RNF10: variants seen among roughly 807,000 people sequenced by gnomAD.
RNF10 encodes ring finger protein 10, also known as E3 ubiquitin-protein ligase RNF10.
In RNF10, 38 loss-of-function variants were observed where a neutral mutation model predicts 91.4. That is an observed-to-expected ratio of 0.42 (90% confidence interval 0.32 to 0.54). The LOEUF (loss-of-function observed/expected upper bound fraction) is 0.54. RNF10 is among the 20% of genes least tolerant of loss of function. The probability of loss-of-function intolerance (pLI) is 0.16; values close to 1 mark genes in which losing one functional copy is unlikely to be tolerated. For synonymous variants in RNF10, 364 were observed against 366.3 expected (o/e 0.99, Z 0.07); for missense variants, 945 against 1,012.0 (o/e 0.93, Z 0.90).
At position 120,557,657 on chromosome 12, in the gene RNF10, T is replaced by C; in HGVS notation, c.942T>C (p.Asn314=). The change falls in exon 6 of 17, where the codon AAT becomes AAC. Residue 314 remains asparagine, a synonymous_variant. Coordinates refer to ENST00000325954, the MANE Select transcript of RNF10 (RefSeq NM_014868.5). ...LVALPKSKWM[N]VDHPIHLGDE... ...CTTTGCCCAAATCCAAATGGATGAA[T>C]GTAGACCATCCCATTCATCTAGGAG... is the stretch of plus-strand genomic sequence containing the variant. 6.2e-7 allele frequency: 1 copy of C among 1,614,208 alleles called. No individual in the cohort carries two copies. The highest frequency in any genetic ancestry group is 1.3e-5 in the African/African-American group (1 of 75,056).
chr12:120,559,316 G>T (rs1273050282), intron 6 of RNF10, among the ~76,000 whole-genome samples: 1 of 150,736 alleles, frequency 6.6e-6, no homozygotes, highest in African/African-American at 2.4e-5. Flanking sequence ...TGAGTAGCTG[G>T]CATTTCAGGC....
At position 120,560,729 on chromosome 12, in the gene RNF10, A is replaced by C. The variant is rs759013546; in HGVS notation, c.971A>C (p.Glu324Ala). 8.1e-6 allele frequency: 13 copies of C among 1,612,316 alleles called. No homozygotes were observed. The highest frequency in any genetic ancestry group is 1.1e-5 in the Non-Finnish European group (13 of 1,178,716). ...GATCTTGCTGGCATTCTTATAGATG[A>C]ACAGCACAGCCAGTACTCCAAGTTG... ...NVDHPIHLGD[E>A]QHSQYSKLLL... is the part of the protein sequence containing the mutation. The change falls in exon 7 of 17, where the codon GAA becomes GCA. Residue 324 changes from glutamate to alanine, a missense_variant. By Grantham distance (107) the Glu-to-Ala change is moderately radical (BLOSUM62 -1). Coordinates refer to ENST00000325954, the MANE Select transcript of RNF10 (RefSeq NM_014868.5).
At chr12:120,568,373 G>T (rs1019018349) in intron 13 of RNF10, among the ~76,000 whole-genome samples, 2 of 152,106 alleles carry the variant, frequency 1.3e-5, no homozygotes, top group African/African-American at 4.8e-5. Flanking sequence ...TATATATAAA[G>T]AATGTTTAAA....
At chr12:120,548,916 C>T (rs1345169243) in intron 2 of RNF10, among the ~76,000 whole-genome samples, 4 of 152,106 alleles carry the variant, frequency 2.6e-5, no homozygotes, top group South Asian at 2.1e-4. Context: ...GTGATCCGCC[C>T]GCTTCGGCCT....
chr12:120,544,655 CTAAA>C lies in RNF10; in HGVS notation c.158-1741_158-1738del, dbSNP rs1221244912. ...TGGGTGACAGAGCAAAACCTTGTCTCTAAATAAATAAAGTGCATAAGTAATTATT... is the reference window on the plus strand; with the variant it reads ...TGGGTGACAGAGCAAAACCTTGTCTCTAAATAAAGTGCATAAGTAATTATT... On this transcript the variant is annotated intron_variant, in intron 1 of 16. Transcript: ENST00000325954. Among the ~76,000 whole-genome samples, 9 of 152,206 alleles carry C rather than the reference CTAAA, an allele frequency of 5.9e-5. No homozygotes were observed. The South Asian group carries it at 8.3e-4, about 14-fold the overall frequency.
At chr12:120,553,652 C>T (rs1030127493) in intron 3 of RNF10, among the ~76,000 whole-genome samples, 3 of 152,144 alleles carry the variant, frequency 2.0e-5, no homozygotes, top group South Asian at 2.1e-4. Flanking sequence ...ATCCACCCGC[C>T]TCGGCCTCCC....
intron 6 of RNF10, 51 bp downstream of exon 6, chr12:120,557,733 GT>G: frequency 6.3e-7 from 1 of 1,594,566 alleles, no homozygotes; most frequent in South Asian, 1.1e-5. Context: ...ATTCTTTAAG[GT>G]GATTGAATAT....
intron 6 of RNF10, among the ~76,000 whole-genome samples, chr12:120,559,684 G>A (rs1327763806): frequency 6.6e-6 from 1 of 150,816 alleles, no homozygotes; most frequent in East Asian, 2.0e-4. Context: ...TACTCCGCCT[G>A]GTGTTATTTT....
rs756896237 is a variant in RNF10, at chr12:120,565,573, CGTT to C, written c.1885+47_1885+49del. On this transcript the variant is annotated intron_variant, in intron 12 of 16. Transcript: ENST00000325954. Reference sequence around the variant, plus strand: ...ATCTTTGACTAGCACTGCTGTACGTCGTTGTATAGAACTCTGTGTCTGGGACCT... The same window carrying C: ...ATCTTTGACTAGCACTGCTGTACGTCGTATAGAACTCTGTGTCTGGGACCT... The C allele has an allele frequency of 2.6e-6, 4 of 1,531,552 alleles. No homozygotes were observed. The African/African-American group carries it at 4.1e-5, about 16-fold the overall frequency. The allele number at this position is 1,531,552 out of a possible 1,614,324, so 94.9% of individuals were successfully genotyped here. A position where few individuals can be genotyped will look rare whatever the true frequency, so the allele number is the denominator to read the frequency against.
rs776229441 is a variant in RNF10, at chr12:120,557,535, C to G, written c.831-11C>G. 1.9e-6 allele frequency: 3 copies of G among 1,614,164 alleles called. No homozygotes were observed. Among genetic ancestry groups the G allele is most frequent in the Non-Finnish European group, 2.5e-6 (3 of 1,180,014 alleles). ...TCCTTGCCCTGCTACATATGAGTGT[C>G]CATGTTTCAGTGTTGTTGCCACAGA... On this transcript the variant is annotated splice_polypyrimidine_tract_variant and intron_variant, in intron 5 of 16. Transcript: ENST00000325954.
chr12:120,550,988 T>C (rs564635792), intron 2 of RNF10, among the ~76,000 whole-genome samples: 77 of 152,108 alleles, frequency 5.1e-4, no homozygotes, highest in African/African-American at 1.7e-3. Flanking sequence ...TTAATTATTT[T>C]TAATTTATTA....
chr12:120,575,966 G>A lies in RNF10; in HGVS notation c.2359+16G>A, dbSNP rs201430212. The A allele has an allele frequency of 1.7e-5, 27 of 1,612,624 alleles. No individual in the cohort carries two copies. Among genetic ancestry groups the A allele is most frequent in the Admixed American group, 1.3e-4 (8 of 59,988 alleles). On this transcript the variant is annotated intron_variant, in intron 16 of 16. Transcript: ENST00000325954. ...CCCCTCTCTGGTAAGGGCAGAGGCTGGAGTGCCCAGGGTTGTCAAACATAC... is the reference window on the plus strand; with the variant it reads ...CCCCTCTCTGGTAAGGGCAGAGGCTAGAGTGCCCAGGGTTGTCAAACATAC...
intron 16 of RNF10, among the ~76,000 whole-genome samples, chr12:120,576,228 G>C (rs968466590): frequency 8.5e-5 from 13 of 152,218 alleles, no homozygotes; most frequent in African/African-American, 3.1e-4. Context: ...TCTTGAGTTG[G>C]TACAGGGTGG....
At chr12:120,545,902 C>G (rs1223481306) in intron 1 of RNF10, among the ~76,000 whole-genome samples, 1 of 152,196 alleles carries the variant, frequency 6.6e-6, no homozygotes. Context: ...TGAATTTGAC[C>G]TCTAGAGCTT....
At chr12:120,562,072 G>C (rs1459508084) in intron 7 of RNF10, among the ~76,000 whole-genome samples, 3 of 151,740 alleles carry the variant, frequency 2.0e-5, no homozygotes, top group Non-Finnish European at 2.9e-5. Flanking sequence ...TGTCATGGGG[G>C]TTTGTTATAC....
rs748568698 is a variant in RNF10, at chr12:120,575,799, C to T, written c.2208C>T (p.Asn736=). Reference sequence around the variant, plus strand: ...AACACTGGTATTTTTTAGATGAGAACAGCTTAGTTCCTCCTGCCCCTGTGG... The same window carrying T: ...AACACTGGTATTTTTTAGATGAGAATAGCTTAGTTCCTCCTGCCCCTGTGG... ...WPKTAPKKDE[N]SLVPPAPVDS... is the part of the protein sequence containing the mutation. Residue 736 remains asparagine, a synonymous_variant, in exon 16 of 17, where the codon AAC becomes AAT. Transcript: ENST00000325954. 8 of 1,614,152 alleles carry T rather than the reference C, an allele frequency of 5.0e-6. No individual in the cohort carries two copies. Among genetic ancestry groups the T allele is most frequent in the South Asian group, 3.3e-5 (3 of 91,084 alleles).
intron 1 of RNF10, among the ~76,000 whole-genome samples, chr12:120,542,102 G>A (rs954640425): frequency 1.3e-5 from 2 of 151,720 alleles, no homozygotes; most frequent in East Asian, 3.9e-4. Flanking sequence ...TCCTGACCTC[G>A]TGATCCACCC....
Position 120,565,450 on chromosome 12 carries a change from T to A in RNF10, c.1806T>A (p.Arg602=). The A allele has an allele frequency of 1.2e-6, 2 of 1,613,958 alleles. No homozygotes were observed. The change falls in exon 12 of 17, where the codon CGT becomes CGA. Residue 602 remains arginine (R), a synonymous_variant. Transcript: ENST00000325954. ...CAGATGACATTGAGAAGAGGAAACG[T>A]CAGCGCCAAAAGAAGGCTCGGGAGG... The part of the protein sequence containing the change: ...MFSDDIEKRK[R]QRQKKAREER...
rs1004190998 is a variant in RNF10 at position 120,557,388 on chromosome 12, A to G, written c.752A>G (p.His251Arg). The G allele has an allele frequency of 6.2e-7, 1 of 1,614,192 alleles. No individual in the cohort carries two copies. Among genetic ancestry groups the G allele is most frequent in the Non-Finnish European group, 8.5e-7 (1 of 1,180,036 alleles). ...ATCTTCTGCTGGGCATGCATCCTGC[A>G]CTATCTTTCACTGAGTGAGAAGACG... Reference protein sequence around the residue: ...GHIFCWACILHYLSLSEKTWS... With the variant: ...GHIFCWACILRYLSLSEKTWS... Residue 251 changes from histidine to arginine, a missense_variant, in exon 5 of 17, where the codon CAC becomes CGC. By Grantham distance (29) the His-to-Arg change is conservative (BLOSUM62 0). Transcript: ENST00000325954.
Sources: gnomAD v4.1 joint callset for allele counts (sites outside exome capture counted in the v4.1 genomes callset) on GRCh38, gnomAD v4.1.1 for gene constraint, MANE v1.5 for transcripts, NCBI Gene and HGNC (gene_info 2026-07-23, HGNC 2026-07-21) for gene names.